Variants in HECW2 observed in about 807,000 individuals in gnomAD.
HECW2 encodes the protein E3 ubiquitin-protein ligase HECW2.
HECW2 carries 61 observed loss-of-function variants against 175.2 expected under a neutral mutation model. The observed-to-expected ratio is 0.35, with a 90% CI of 0.28 to 0.43. The LOEUF (loss-of-function observed/expected upper bound fraction) is 0.43. Among genes scored for constraint, HECW2 ranks in the 20% least tolerant of loss-of-function variants. The pLI is 1.00. For missense variants in HECW2, 1,524 were observed against 2,000.5 expected, an observed-to-expected ratio of 0.76 and a Z score of 4.54; for synonymous variants, 671 against 731.0, an observed-to-expected ratio of 0.92 and a Z score of 1.32.
intron 19 of HECW2, among the ~76,000 whole-genome samples, chr2:196,244,025 A>G (rs1688559982): frequency 6.6e-6 from 1 of 152,232 alleles, no homozygotes; most frequent in Admixed American, 6.5e-5. Flanking sequence ...ATATTTCCCA[A>G]CCAATGAAAG....
intron 19 of HECW2, among the ~76,000 whole-genome samples, chr2:196,245,895 C>T (rs1688626130): frequency 6.6e-6 from 1 of 152,174 alleles, no homozygotes; most frequent in South Asian, 2.1e-4. Flanking sequence ...TTCCAATGTT[C>T]AGGCCACACC....
chr2:196,381,232 C>T (rs1694199121), intron 2 of HECW2, among the ~76,000 whole-genome samples: 1 of 152,164 alleles, frequency 6.6e-6, no homozygotes. Context: ...CCACATGGTT[C>T]TCACGTCACT....
intron 14 of HECW2, among the ~76,000 whole-genome samples, chr2:196,283,582 C>T (rs535247018): frequency 1.3e-5 from 2 of 151,894 alleles, no homozygotes; most frequent in Non-Finnish European, 2.9e-5. Context: ...GGTTTCATCA[C>T]GTTGGCCAGG....
chr2:196,265,741 T>C (rs1028451226), intron 17 of HECW2, among the ~76,000 whole-genome samples: 1 of 152,210 alleles, frequency 6.6e-6, no homozygotes, highest in Non-Finnish European at 1.5e-5. Flanking sequence ...AAATGGTTTA[T>C]ACATATATTA....
rs898595803 is a variant in HECW2 at position 196,329,065 on chromosome 2, C to T, written c.571+510G>A. 3.3e-5 allele frequency among the ~76,000 whole-genome samples: 5 copies of T among 151,828 alleles called. No individual in the cohort carries two copies. In the South Asian group the frequency reaches 8.3e-4, roughly 25 times the overall value. On this transcript the variant is annotated intron_variant, in intron 5 of 28. Transcript: ENST00000644978. ...TACAAACTGGAAATGAGTCTTGTCT[C>T]ATAACTTGAAAAGCCGTGCTTTACT...
intron 1 of HECW2, among the ~76,000 whole-genome samples, chr2:196,527,272 C>A (rs550959301): frequency 6.6e-6 from 1 of 152,228 alleles, no homozygotes; most frequent in Non-Finnish European, 1.5e-5. Flanking sequence ...TTCTTTGACT[C>A]GGAAAGGGAA....
At chr2:196,349,212 T>C (rs1452334492) in intron 2 of HECW2, among the ~76,000 whole-genome samples, 2 of 152,238 alleles carry the variant, frequency 1.3e-5, no homozygotes, top group East Asian at 3.8e-4. Flanking sequence ...GACTATTACC[T>C]TCCTTGCCTT....
intron 16 of HECW2, among the ~76,000 whole-genome samples, chr2:196,272,572 TATA>T (rs1392407722): frequency 1.3e-5 from 2 of 152,162 alleles, no homozygotes; most frequent in Non-Finnish European, 1.5e-5. Flanking sequence ...ACAAAAGAAG[TATA>T]ATAATTCTGT....
intron 1 of HECW2, among the ~76,000 whole-genome samples, chr2:196,523,091 T>G (rs1459054873): frequency 6.6e-6 from 1 of 152,018 alleles, no homozygotes; most frequent in Non-Finnish European, 1.5e-5. Context: ...TTCACGATAT[T>G]GATTCTTCCT....
At chr2:196,566,169 T>C (rs1329328848) in intron 1 of HECW2, among the ~76,000 whole-genome samples, 1 of 152,082 alleles carries the variant, frequency 6.6e-6, no homozygotes, top group East Asian at 1.9e-4. Flanking sequence ...ATTAAATTAC[T>C]CTAATGGACT....
chr2:196,380,807 G>A (rs1293185150), intron 2 of HECW2, among the ~76,000 whole-genome samples: 1 of 152,168 alleles, frequency 6.6e-6, no homozygotes, highest in Non-Finnish European at 1.5e-5. Flanking sequence ...GGGGAGACAG[G>A]AATGATAAAA....
chr2:196,544,269 C>T (rs1412513117), intron 1 of HECW2, among the ~76,000 whole-genome samples: 1 of 152,186 alleles, frequency 6.6e-6, no homozygotes, highest in Non-Finnish European at 1.5e-5. Context: ...TCTAGCAGGA[C>T]CAAGTGCCCA....
At chr2:196,452,729 T>C (rs1040937878) in intron 1 of HECW2, among the ~76,000 whole-genome samples, 4 of 151,678 alleles carry the variant, frequency 2.6e-5, no homozygotes, top group African/African-American at 4.9e-5. Context: ...GGGCAAAATC[T>C]TCCTCAGAAA....
rs984743634 is a variant in HECW2 at position 196,197,478 on chromosome 2, T to C, written c.*3799A>G. The C allele has an allele frequency of 6.6e-6, 1 of 152,042 alleles. No individual in the cohort carries two copies. Among genetic ancestry groups the C allele is most frequent in the Non-Finnish European group, 1.5e-5 (1 of 68,016 alleles). The allele number at this position is 152,042 out of a possible 1,614,324, so 9.4% of individuals were successfully genotyped here. On this transcript the variant is annotated 3_prime_UTR_variant, in exon 29 of 29. Transcript: ENST00000644978. ...TTCTGTATAAATCCATCAAAAGCAA[T>C]CACATTTTGCCTTCTGTTTTTTAAA...
intron 2 of HECW2, among the ~76,000 whole-genome samples, chr2:196,404,126 T>C (rs1025694474): frequency 6.6e-6 from 1 of 152,154 alleles, no homozygotes; most frequent in African/African-American, 2.4e-5. Flanking sequence ...ATCCATACAA[T>C]AAAGAGCTTA....
At chr2:196,425,783 T>C (rs111655924) in intron 2 of HECW2, among the ~76,000 whole-genome samples, 2,327 of 152,124 alleles carry the variant, frequency 0.015, 56 homozygotes, top group African/African-American at 0.054. Flanking sequence ...ATTGTTAAAA[T>C]TACAACAACA....
intron 3 of HECW2, among the ~76,000 whole-genome samples, chr2:196,337,536 C>G (rs564873543): frequency 1.0e-4 from 15 of 147,504 alleles, no homozygotes; most frequent in Non-Finnish European, 2.1e-4. Context: ...GGCAACATCT[C>G]CCCCTGCTGG....
At chr2:196,441,256 A>G (rs1559112302) in intron 1 of HECW2, among the ~76,000 whole-genome samples, 1 of 152,184 alleles carries the variant, frequency 6.6e-6, no homozygotes, top group Non-Finnish European at 1.5e-5. Context: ...TATAGAATTT[A>G]AGAAATGCAT....
At chr2:196,382,329 T>C (rs1032437099) in intron 2 of HECW2, among the ~76,000 whole-genome samples, 5 of 151,294 alleles carry the variant, frequency 3.3e-5, no homozygotes, top group African/African-American at 1.2e-4. Flanking sequence ...TTGTTACCTG[T>C]GAGAAAAAAA....
Sources: gnomAD v4.1 joint callset for allele counts (sites outside exome capture counted in the v4.1 genomes callset) on GRCh38, gnomAD v4.1.1 for gene constraint, MANE v1.5 for transcripts, NCBI Gene and HGNC (gene_info 2026-07-23, HGNC 2026-07-21) for gene names.